The following CCDC73 variants were observed in gnomAD, a reference collection of about 807,000 sequenced individuals.
CCDC73 encodes coiled-coil domain containing 73.
In CCDC73, 95 loss-of-function variants were observed where a neutral mutation model predicts 116.5. The ratio of observed to expected loss-of-function variants is 0.82; its 90% CI spans 0.69 to 0.97. The LOEUF (loss-of-function observed/expected upper bound fraction) is 0.97. Among genes scored for constraint, CCDC73 ranks in the 50% least tolerant of loss-of-function variants. The probability of loss-of-function intolerance (pLI) is 0.00; values close to 1 mark genes in which losing one functional copy is unlikely to be tolerated. For synonymous variants in CCDC73, 398 were observed against 401.3 expected (o/e 0.99, Z 0.10); for missense variants, 1,066 against 1,206.8 (o/e 0.88, Z 1.73).
chr11:32,758,081 G>A (rs1014418650), intron 2 of CCDC73, among the ~76,000 whole-genome samples: 3 of 152,068 alleles, frequency 2.0e-5, no homozygotes, highest in East Asian at 1.9e-4. Flanking sequence ...GTCAAGTACC[G>A]CCATCAGGGT....
intron 6 of CCDC73, among the ~76,000 whole-genome samples, chr11:32,692,267 T>C (rs1856267525): frequency 6.6e-6 from 1 of 152,056 alleles, no homozygotes; most frequent in South Asian, 2.1e-4. Flanking sequence ...ATTTTTCACC[T>C]TCTCAACTTT....
chr11:32,807,733 T>G, the CCDC73 span, among the ~76,000 whole-genome samples: 16 of 152,302 alleles, frequency 1.1e-4, no homozygotes, highest in Admixed American at 9.8e-4. Flanking sequence ...CTGTCACAAC[T>G]CTGTCCTGCA....
chr11:32,700,247 A>G (rs1001037514), intron 5 of CCDC73, among the ~76,000 whole-genome samples: 4 of 152,172 alleles, frequency 2.6e-5, no homozygotes, highest in African/African-American at 9.7e-5. Flanking sequence ...ATAAGTGATT[A>G]TTATTAATGG....
At chr11:32,777,712 G>A (rs1307928423) in intron 1 of CCDC73, among the ~76,000 whole-genome samples, 2 of 151,906 alleles carry the variant, frequency 1.3e-5, no homozygotes, top group Non-Finnish European at 2.9e-5. Context: ...TATAAGAAAG[G>A]TATATTTCTT....
chr11:32,735,463 T>C (rs901968200), intron 2 of CCDC73, among the ~76,000 whole-genome samples: 39 of 152,192 alleles, frequency 2.6e-4, no homozygotes, highest in African/African-American at 9.2e-4. Context: ...TTACAAGGGA[T>C]GTGAAGGAAC....
intron 6 of CCDC73, among the ~76,000 whole-genome samples, chr11:32,693,051 G>A (rs1856274940): frequency 1.3e-5 from 2 of 152,194 alleles, no homozygotes; most frequent in Non-Finnish European, 2.9e-5. Context: ...ATTCACTAAA[G>A]CTAAATTAGT....
intron 16 of CCDC73, among the ~76,000 whole-genome samples, chr11:32,611,925 A>C (rs1236071342): frequency 1.3e-5 from 2 of 152,202 alleles, no homozygotes; most frequent in African/African-American, 4.8e-5. Context: ...AAAATGGTAG[A>C]TTTTTAGACC....
chr11:32,758,219 T>G lies in CCDC73; in HGVS notation c.135+1890A>C. 1.1e-5 allele frequency: 3 copies of G among 261,730 alleles called. No homozygotes were observed. In the South Asian group the frequency reaches 1.2e-4, roughly 11 times the overall value. The allele number at this position is 261,730 out of a possible 1,614,324, so 16.2% of individuals were successfully genotyped here. A position where few individuals can be genotyped will look rare whatever the true frequency, so the allele number is the denominator to read the frequency against. On this transcript the variant is annotated intron_variant, in intron 2 of 17. Transcript: ENST00000335185. ...ATTATATACTTTTACATTTGATTATTAAAAACATTTTCCTCTTCATCCAGG... is the reference window on the plus strand; with the variant it reads ...ATTATATACTTTTACATTTGATTATGAAAAACATTTTCCTCTTCATCCAGG...
At chr11:32,694,181 A>C (rs1856288237) in intron 6 of CCDC73, among the ~76,000 whole-genome samples, 1 of 152,222 alleles carries the variant, frequency 6.6e-6, no homozygotes, top group Non-Finnish European at 1.5e-5. Flanking sequence ...GTCTCAGCCC[A>C]AAATCTCCTT....
intron 14 of CCDC73, among the ~76,000 whole-genome samples, chr11:32,622,508 C>G (rs745878801): frequency 2.0e-5 from 3 of 151,464 alleles, no homozygotes; most frequent in African/African-American, 7.3e-5. Context: ...GGGGCCTGTC[C>G]GGGTGGGGGG....
intron 1 of CCDC73, among the ~76,000 whole-genome samples, chr11:32,772,154 G>A (rs1850497005): frequency 6.6e-6 from 1 of 152,202 alleles, no homozygotes; most frequent in Admixed American, 6.5e-5. Context: ...AGTTGGAGGT[G>A]ATTTGCTATG....
chr11:32,784,068 G>A (rs1850605555), intron 1 of CCDC73, among the ~76,000 whole-genome samples: 1 of 152,168 alleles, frequency 6.6e-6, no homozygotes, highest in Non-Finnish European at 1.5e-5. Context: ...AGTGGCCCAC[G>A]CCTATAATCT....
intron 2 of CCDC73, among the ~76,000 whole-genome samples, chr11:32,736,684 T>G (rs1204578234): frequency 3.3e-5 from 5 of 151,884 alleles, no homozygotes; most frequent in East Asian, 3.9e-4. Flanking sequence ...GGATTATAAA[T>G]CATGCTGCTG....
the CCDC73 span, among the ~76,000 whole-genome samples, chr11:32,801,860 A>G: frequency 6.6e-6 from 1 of 152,214 alleles, no homozygotes; most frequent in Non-Finnish European, 1.5e-5. Context: ...CTCAGCTGGA[A>G]ATACAAATTT....
At chr11:32,741,128 G>T (rs186731030) in intron 2 of CCDC73, among the ~76,000 whole-genome samples, 1 of 152,240 alleles carries the variant, frequency 6.6e-6, no homozygotes, top group Admixed American at 6.5e-5. Context: ...GTGCTGAGGA[G>T]AATAATTTGT....
At chr11:32,789,513 G>C (rs910393764) in intron 1 of CCDC73, among the ~76,000 whole-genome samples, 11 of 152,150 alleles carry the variant, frequency 7.2e-5, no homozygotes, top group African/African-American at 2.7e-4. Flanking sequence ...GCTCAGTCCT[G>C]TAATCCCAGC....
At chr11:32,754,090 T>C (rs1053396674) in intron 2 of CCDC73, among the ~76,000 whole-genome samples, 20 of 152,356 alleles carry the variant, frequency 1.3e-4, no homozygotes, top group African/African-American at 4.3e-4. Context: ...CTAGAGCAAG[T>C]AGAACTTCAT....
At chr11:32,717,440 C>T (rs1201857281) in intron 3 of CCDC73, among the ~76,000 whole-genome samples, 1 of 152,172 alleles carries the variant, frequency 6.6e-6, no homozygotes, top group African/African-American at 2.4e-5. Flanking sequence ...CTATAACACA[C>T]AATGTGTTTC....
chr11:32,661,370 A>AT (rs1855921638), intron 9 of CCDC73, among the ~76,000 whole-genome samples: 1 of 152,090 alleles, frequency 6.6e-6, no homozygotes, highest in Non-Finnish European at 1.5e-5. Context: ...TAACGTATGC[A>AT]TACATGTGCC....
Sources: allele counts gnomAD v4.1 joint callset (sites outside exome capture counted in the v4.1 genomes callset), GRCh38; gene constraint gnomAD v4.1.1; transcripts MANE v1.5; gene names NCBI Gene and HGNC (gene_info 2026-07-23, HGNC 2026-07-21).